COTL1: variants seen among roughly 807,000 people sequenced by gnomAD.
The protein encoded by COTL1 is coactosin like F-actin binding protein 1.
Under a neutral mutation model 16.5 loss-of-function variants are expected in COTL1, and 15 were observed. The observed-to-expected ratio is 0.91, with a 90% CI of 0.61 to 1.40. The LOEUF (loss-of-function observed/expected upper bound fraction) is 1.40, where lower values mean the gene tolerates loss of function less well. Ranked by LOEUF, COTL1 falls within the 40% of genes most tolerant of loss-of-function variation. The pLI, the probability that COTL1 is intolerant of heterozygous loss-of-function variation, is 0.00. For missense variants in COTL1, 220 were observed against 201.5 expected (o/e 1.09, Z -0.56); for synonymous variants, 112 against 85.3 (o/e 1.31, Z -1.73).
At chr16:84,577,874 AC>A (rs1486053454) in intron 3 of COTL1, among the ~76,000 whole-genome samples, 2 of 151,970 alleles carry the variant, frequency 1.3e-5, no homozygotes, top group Non-Finnish European at 2.9e-5. Flanking sequence ...TGGATCTGTG[AC>A]CCCGACAGGG....
chr16:84,584,991 G>A (rs1904684171), intron 3 of COTL1, among the ~76,000 whole-genome samples: 1 of 151,958 alleles, frequency 6.6e-6, no homozygotes, highest in Non-Finnish European at 1.5e-5. Context: ...AGTAAAATAA[G>A]GTTCATTTAA....
At chr16:84,578,898 C>A (rs938187001) in intron 3 of COTL1, among the ~76,000 whole-genome samples, 1 of 151,164 alleles carries the variant, frequency 6.6e-6, no homozygotes, top group African/African-American at 2.5e-5. Flanking sequence ...GACGCATGCA[C>A]ACACAGACAC....
At chr16:84,581,409 G>A (rs115944093) in intron 3 of COTL1, among the ~76,000 whole-genome samples, 1,638 of 152,306 alleles carry the variant, frequency 0.011, 33 homozygotes, top group African/African-American at 0.038. Context: ...CTCATGCTTT[G>A]CAAGGGGGAG....
intron 3 of COTL1, among the ~76,000 whole-genome samples, chr16:84,570,512 C>T (rs1417489501): frequency 6.7e-6 from 1 of 149,688 alleles, no homozygotes; most frequent in Admixed American, 6.7e-5. Flanking sequence ...CCTTGTACTA[C>T]ATACCAGAGA....
At chr16:84,617,147 C>T (rs897700075) in intron 2 of COTL1, among the ~76,000 whole-genome samples, 2 of 149,098 alleles carry the variant, frequency 1.3e-5, no homozygotes, top group Admixed American at 1.3e-4. Flanking sequence ...CGTATTTGGG[C>T]TCAGTGACTG....
intron 2 of COTL1, among the ~76,000 whole-genome samples, chr16:84,603,224 G>A (rs376231303): frequency 3.9e-5 from 6 of 152,266 alleles, no homozygotes; most frequent in East Asian, 1.9e-4. Flanking sequence ...GCAAGCCTGC[G>A]CACACCAGCC....
At chr16:84,610,933 TA>T (rs1360104467) in intron 2 of COTL1, among the ~76,000 whole-genome samples, 3 of 152,186 alleles carry the variant, frequency 2.0e-5, no homozygotes, top group African/African-American at 7.2e-5. Flanking sequence ...ATCTCAAATT[TA>T]TTTCAACCTA....
Position 84,573,748 on chromosome 16 carries a change from A to T in COTL1, c.319-6793T>A, listed in dbSNP as rs562534323. 3.0e-4 allele frequency among the ~76,000 whole-genome samples: 26 copies of T among 87,292 alleles called. 1 individual carries two copies. The highest frequency in any genetic ancestry group is 1.5e-3 in the Admixed American group (11 of 7,534). The allele number at this position is 87,292 out of a possible 152,430, so 57.3% of individuals were successfully genotyped here. A position where few individuals can be genotyped will look rare whatever the true frequency, so the allele number is the denominator to read the frequency against. On this transcript the variant is annotated intron_variant, in intron 3 of 3. Coordinates refer to ENST00000262428, the MANE Select transcript of COTL1 (RefSeq NM_021149.5). Reference sequence around the variant, plus strand: ...AGAGCGAAACTCTGTCTCAAAAAAAAAAAAATATATATATATACATACACA... The same window carrying T: ...AGAGCGAAACTCTGTCTCAAAAAAATAAAAATATATATATATACATACACA...
intron 2 of COTL1, among the ~76,000 whole-genome samples, chr16:84,615,092 G>A (rs552923836): frequency 6.6e-6 from 1 of 152,192 alleles, no homozygotes; most frequent in African/African-American, 2.4e-5. Context: ...CCAGTGTTGA[G>A]TCCATTGTCC....
chr16:84,607,358 A>G (rs1905234357), intron 2 of COTL1, among the ~76,000 whole-genome samples: 1 of 152,114 alleles, frequency 6.6e-6, no homozygotes, highest in South Asian at 2.1e-4. Flanking sequence ...ACAGGGGAAG[A>G]GCTGAGAGCC....
At chr16:84,598,659 C>T (rs1597180288) in intron 2 of COTL1, among the ~76,000 whole-genome samples, 1 of 150,946 alleles carries the variant, frequency 6.6e-6, no homozygotes, top group African/African-American at 2.4e-5. Flanking sequence ...CCCCCCCAAC[C>T]CCCCCCACCA....
intron 3 of COTL1, among the ~76,000 whole-genome samples, chr16:84,582,604 T>A (rs58455007): frequency 0.039 from 5,900 of 152,254 alleles, 402 homozygotes; most frequent in African/African-American, 0.14. Context: ...ATCTAGACCA[T>A]AGTAGATACA....
chr16:84,610,968 G>A (rs933203523), intron 2 of COTL1, among the ~76,000 whole-genome samples: 8 of 152,178 alleles, frequency 5.3e-5, no homozygotes, highest in Non-Finnish European at 8.8e-5. Flanking sequence ...AACACCTTCT[G>A]AAGGTGCTAC....
chr16:84,581,484 T>C (rs1904592004), intron 3 of COTL1, among the ~76,000 whole-genome samples: 2 of 150,142 alleles, frequency 1.3e-5, no homozygotes, highest in Admixed American at 1.4e-4. Context: ...CAGTCAGCTC[T>C]CACTCCTGCT....
intron 3 of COTL1, among the ~76,000 whole-genome samples, chr16:84,588,717 A>G (rs112387161): frequency 0.016 from 2,478 of 152,048 alleles, 62 homozygotes; most frequent in African/African-American, 0.055. Context: ...TATTAATACT[A>G]TGTTGCCCAG....
At chr16:84,568,937 C>T (rs1378651965) in intron 3 of COTL1, 1 of 152,262 alleles carries the variant, frequency 6.6e-6, no homozygotes, top group Non-Finnish European at 1.5e-5. Context: ...CCACCATCTC[C>T]TTTTGGGGTG....
intron 2 of COTL1, among the ~76,000 whole-genome samples, chr16:84,603,534 G>A (rs1905144866): frequency 6.6e-6 from 1 of 152,318 alleles, no homozygotes; most frequent in East Asian, 1.9e-4. Flanking sequence ...TCAGCCAGCT[G>A]AGGGGGTGAT....
In COTL1 at chr16:84,601,394, C is replaced by T. The variant is rs538852374; in HGVS notation, c.161-11132G>A. ...GGAGCATCAAGGAAAGAAGGAAATCCGCTCTGCCTGGGCAGCTGTGACCAG... is the reference window on the plus strand; with the variant it reads ...GGAGCATCAAGGAAAGAAGGAAATCTGCTCTGCCTGGGCAGCTGTGACCAG... On this transcript the variant is annotated intron_variant, in intron 2 of 3. Transcript: ENST00000262428. Among the ~76,000 whole-genome samples the T allele has an allele frequency of 1.8e-4, 27 of 152,282 alleles. 1 individual carries two copies. Among genetic ancestry groups the T allele is most frequent in the East Asian group, 5.8e-4 (3 of 5,186 alleles).
intron 3 of COTL1, among the ~76,000 whole-genome samples, chr16:84,574,290 G>A (rs1188384427): frequency 1.4e-4 from 21 of 152,336 alleles, no homozygotes; most frequent in East Asian, 1.9e-4. Context: ...CCCACATCCC[G>A]CCTCCAGGGG....
Sources: allele counts gnomAD v4.1 joint callset (sites outside exome capture counted in the v4.1 genomes callset), GRCh38; gene constraint gnomAD v4.1.1; transcripts MANE v1.5; gene names NCBI Gene and HGNC (gene_info 2026-07-23, HGNC 2026-07-21).